Variants in LPA observed in about 807,000 individuals in gnomAD.
LPA encodes the protein apolipoprotein(a).
LPA carries 199 observed loss-of-function variants against 197.9 expected under a neutral mutation model. The observed-to-expected ratio is 1.01, with a 90% CI of 0.90 to 1.13. The LOEUF is 1.13. LPA is among the 50% of genes most tolerant of loss of function. The probability of loss-of-function intolerance (pLI) is 0.00; values close to 1 mark genes in which losing one functional copy is unlikely to be tolerated. For missense variants in LPA, 1,853 were observed against 1,785.8 expected, an observed-to-expected ratio of 1.04 and a Z score of -0.68; for synonymous variants, 715 against 639.5, an observed-to-expected ratio of 1.12 and a Z score of -1.78.
At chr6:160,649,232 T>C (rs1779960365) in intron 2 of LPA, among the ~76,000 whole-genome samples, 1 of 152,292 alleles carries the variant, frequency 6.6e-6, no homozygotes, top group East Asian at 1.9e-4. Flanking sequence ...CTCTCCTCTG[T>C]GTGGTCCAAA....
intron 24 of LPA, 62 bp from the exon 25 acceptor site, chr6:160,586,692 C>T (rs1778919052): frequency 4.3e-6 from 7 of 1,609,194 alleles, no homozygotes; most frequent in East Asian, 4.5e-5. Flanking sequence ...CCACCTGGCA[C>T]CCTCTATGTT....
chr6:160,589,508 T>G (rs1216133614), intron 24 of LPA, 45 bp downstream of exon 24: 2 of 1,608,322 alleles, frequency 1.2e-6, no homozygotes, highest in African/African-American at 2.7e-5. Context: ...CAGGAGAAAT[T>G]TAAGTGGGTG....
chr6:160,535,040 T>A (rs1472191670), intron 37 of LPA, among the ~76,000 whole-genome samples: 1 of 149,632 alleles, frequency 6.7e-6, no homozygotes. Context: ...GGTGGAGTAG[T>A]GGTGATGGTG....
intron 24 of LPA, among the ~76,000 whole-genome samples, chr6:160,588,616 G>A (rs944772098): frequency 7.2e-5 from 11 of 152,140 alleles, no homozygotes; most frequent in African/African-American, 2.7e-4. Flanking sequence ...CCAAAGCCTT[G>A]AGGAGACTTC....
At chr6:160,582,219 T>C (rs1778815312) in intron 26 of LPA, among the ~76,000 whole-genome samples, 1 of 152,050 alleles carries the variant, frequency 6.6e-6, no homozygotes, top group African/African-American at 2.4e-5. Context: ...GATCTTTTTT[T>C]TTCTTCTTAG....
intron 30 of LPA, among the ~76,000 whole-genome samples, chr6:160,555,548 CAT>C (rs1778248679): frequency 6.8e-6 from 1 of 147,062 alleles, no homozygotes; most frequent in Admixed American, 6.9e-5. Context: ...CTTATATGAA[CAT>C]ATATATGTAT....
Position 160,577,147 on chromosome 6 carries a change from G to C in LPA, c.4620C>G (p.Asn1540Lys). The change falls in exon 28 of 39, where the codon AAC becomes AAG. Residue 1540 changes from asparagine (N) to lysine (K), a missense_variant. By Grantham distance (94) the Asn-to-Lys change is moderately conservative. This residue lies in a region of LPA where 1,737 missense variants were observed against 1,504.4 expected (regional missense o/e 1.15). Coordinates refer to ENST00000316300, the MANE Select transcript of LPA (RefSeq NM_005577.4). ...AATCAAATACATACGCATTTGGGTA[G>C]TTTTCTGGGGTCCTCTGATGCCAGT... ...IPHWHQRTPENYPNAGLTENY... is the reference protein window; with the variant it reads ...IPHWHQRTPEKYPNAGLTENY... 1 of 1,613,682 alleles carries C rather than the reference G, an allele frequency of 6.2e-7. No homozygotes were observed. The highest frequency in any genetic ancestry group is 8.5e-7 in the Non-Finnish European group (1 of 1,179,742).
intron 16 of LPA, among the ~76,000 whole-genome samples, chr6:160,606,919 C>T (rs1193219900): frequency 3.3e-5 from 5 of 152,240 alleles, no homozygotes; most frequent in Admixed American, 6.5e-5. Flanking sequence ...AATACATACA[C>T]GTGGGCAAAA....
intron 28 of LPA, among the ~76,000 whole-genome samples, chr6:160,574,249 C>T (rs1312835537): frequency 1.1e-4 from 17 of 152,092 alleles, no homozygotes; most frequent in Admixed American, 1.0e-3. Flanking sequence ...CCCACCATGC[C>T]CCCAACCCCG....
chr6:160,641,001 T>G (rs543806248), intron 4 of LPA, among the ~76,000 whole-genome samples, 153 bp from the exon 5 acceptor site: 1 of 135,572 alleles, frequency 7.4e-6, no homozygotes, highest in South Asian at 2.4e-4. Context: ...CAAAAATGGC[T>G]CTCGATCACT....
intron 22 of LPA, among the ~76,000 whole-genome samples, chr6:160,592,350 T>C (rs113011905): frequency 2.0e-5 from 3 of 152,300 alleles, no homozygotes; most frequent in African/African-American, 7.2e-5. Flanking sequence ...GAATTCCTCA[T>C]TACAGATATA....
At chr6:160,592,958 C>T (rs1468349605) in intron 22 of LPA, among the ~76,000 whole-genome samples, 1 of 152,152 alleles carries the variant, frequency 6.6e-6, no homozygotes, top group African/African-American at 2.4e-5. Context: ...GTTGTTCTTT[C>T]CCCAGTAGCT....
intron 1 of LPA, among the ~76,000 whole-genome samples, chr6:160,661,357 C>T (rs546834015): frequency 7.2e-5 from 11 of 152,196 alleles, no homozygotes; most frequent in Non-Finnish European, 8.8e-5. Flanking sequence ...CTGAAAGCAG[C>T]GAGACTTCTA....
intron 23 of LPA, among the ~76,000 whole-genome samples, chr6:160,590,174 G>T (rs910206530): frequency 1.3e-5 from 2 of 152,150 alleles, no homozygotes; most frequent in Admixed American, 6.6e-5. Flanking sequence ...GCAGGAAGTG[G>T]TCCTCCATCT....
intron 18 of LPA, among the ~76,000 whole-genome samples, chr6:160,602,602 A>T (rs1360891359): frequency 6.6e-6 from 1 of 152,214 alleles, no homozygotes; most frequent in Non-Finnish European, 1.5e-5. Context: ...GGCTGCAGAA[A>T]GTTCTCCTCT....
chr6:160,606,383 C>T (rs1354251926), intron 17 of LPA, 94 bp downstream of exon 17: 15 of 1,522,414 alleles, frequency 9.9e-6, no homozygotes, highest in Non-Finnish European at 1.3e-5. Flanking sequence ...CTCGAGCATC[C>T]GTTTACCATT....
At chr6:160,567,199 C>T (rs1384011385) in intron 28 of LPA, among the ~76,000 whole-genome samples, 1 of 152,226 alleles carries the variant, frequency 6.6e-6, no homozygotes, top group Non-Finnish European at 1.5e-5. Context: ...ACATTCTTCT[C>T]AGCACCACAT....
In LPA at chr6:160,547,880, C is replaced by G. The variant is rs1562317090; in HGVS notation, c.5213G>C (p.Gly1738Ala). The change falls in exon 32 of 39, where the codon GGG (glycine) becomes GCG (alanine). Residue 1738 changes from glycine to alanine, a missense_variant. By Grantham distance (60) the Gly-to-Ala change is moderately conservative. Transcript: ENST00000316300. ...GGCAGCCCATTCCTGGCATGGCGTC[C>G]CAGTAACAGTGGTTGCCTTCTTGCC... ...YRGKKATTVT[G>A]TPCQEWAAQE... The G allele has an allele frequency of 6.2e-7, 1 of 1,614,052 alleles. No individual in the cohort carries two copies. The highest frequency in any genetic ancestry group is 8.5e-7 in the Non-Finnish European group (1 of 1,180,000).
intron 1 of LPA, among the ~76,000 whole-genome samples, chr6:160,651,206 G>A (rs1420380424): frequency 6.6e-6 from 1 of 152,180 alleles, no homozygotes; most frequent in East Asian, 1.9e-4. Context: ...GACTAAGACT[G>A]AAGTGGCTCC....
Sources: allele counts gnomAD v4.1 joint callset (sites outside exome capture counted in the v4.1 genomes callset), GRCh38; gene constraint gnomAD v4.1.1; regional missense constraint gnomAD v4.1.1; transcripts MANE v1.5; gene names NCBI Gene and HGNC (gene_info 2026-07-23, HGNC 2026-07-21).